GNPTAB: variants seen among roughly 807,000 people sequenced by gnomAD.
GNPTAB encodes N-acetylglucosamine-1-phosphate transferase subunits alpha and beta.
GNPTAB carries 92 observed loss-of-function variants against 136.6 expected under a neutral mutation model. The observed-to-expected ratio is 0.67, with a 90% CI of 0.57 to 0.80. The LOEUF (loss-of-function observed/expected upper bound fraction) is 0.80, where lower values mean the gene tolerates loss of function less well. Ranked by LOEUF, GNPTAB falls within the 30% of genes least tolerant of loss-of-function variation. GNPTAB has a pLI of 0.00. For synonymous variants in GNPTAB, 512 were observed against 535.1 expected (o/e 0.96, Z 0.60); for missense variants, 1,343 against 1,501.8 (o/e 0.89, Z 1.75).
Position 101,827,634 on chromosome 12 carries a change from T to C in GNPTAB, c.117+2925A>G, listed in dbSNP as rs144391911. 5.9e-5 allele frequency among the ~76,000 whole-genome samples: 9 copies of C among 152,250 alleles called. No individual in the cohort carries two copies. In the East Asian group the frequency reaches 1.5e-3, roughly 26 times the overall value. Reference sequence around the variant, plus strand: ...ATACAGCATCAAATACCTGTTATATTGAGAGGAGGAGACGATAACAAATTT... The same window carrying C: ...ATACAGCATCAAATACCTGTTATATCGAGAGGAGGAGACGATAACAAATTT... On this transcript the variant is annotated intron_variant, in intron 1 of 20. Transcript: ENST00000299314.
chr12:101,825,504 C>T (rs1231144995), intron 1 of GNPTAB, among the ~76,000 whole-genome samples: 1 of 152,164 alleles, frequency 6.6e-6, no homozygotes, highest in Non-Finnish European at 1.5e-5. Context: ...TTCATTCATG[C>T]ATCCATCAAG....
rs187797041 is a variant in GNPTAB at position 101,796,601 on chromosome 12, G to A, written c.203+76C>T. 868 of 957,360 alleles carry A rather than the reference G, an allele frequency of 9.1e-4. 8 individuals carry two copies. The African/African-American group carries it at 0.012, about 13-fold the overall frequency. The allele number at this position is 957,360 out of a possible 1,614,324, so 59.3% of individuals were successfully genotyped here. A position where few individuals can be genotyped will look rare whatever the true frequency, so the allele number is the denominator to read the frequency against. ...ATAACTCAGAAAGACCCCTTAAACT[G>A]TCATATTTACAGGATGGCTATTTCA... On this transcript the variant is annotated intron_variant, in intron 2 of 20. Coordinates refer to ENST00000299314, the MANE Select transcript of GNPTAB (RefSeq NM_024312.5).
chr12:101,749,182 A>G lies in GNPTAB; in HGVS notation c.3612T>C (p.Tyr1204=), dbSNP rs1457465597. 6.2e-7 allele frequency: 1 copy of G among 1,604,450 alleles called. No homozygotes were observed. Among genetic ancestry groups the G allele is most frequent in the African/African-American group, 1.3e-5 (1 of 74,882 alleles). The change falls in exon 20 of 21, where the codon TAT becomes TAC. Residue 1204 remains tyrosine, a synonymous_variant. Transcript: ENST00000299314. ...HMHELQEWRA[Y]RDKLKFWTHC... ...GGGTCCAAAACTTCAATTTGTCTCG[A>G]TAAGCCCTCCTGTGCAGAGAGAAGA... is the stretch of plus-strand genomic sequence containing the variant.
intron 16 of GNPTAB, among the ~76,000 whole-genome samples, chr12:101,758,747 C>T (rs560958549): frequency 2.0e-5 from 3 of 152,340 alleles, no homozygotes; most frequent in Admixed American, 1.3e-4. Context: ...ATGGCTGCCA[C>T]TTGTCACACT....
At chr12:101,801,912 G>T (rs979414219) in intron 1 of GNPTAB, among the ~76,000 whole-genome samples, 1 of 151,874 alleles carries the variant, frequency 6.6e-6, no homozygotes, top group African/African-American at 2.4e-5. Context: ...TAATTAGCCA[G>T]GCATGGTGGC....
At chr12:101,759,495 ATTCAT>A (rs994573641) in intron 16 of GNPTAB, among the ~76,000 whole-genome samples, 4 of 151,562 alleles carry the variant, frequency 2.6e-5, no homozygotes, top group African/African-American at 7.3e-5. Context: ...GCTGTATTAT[ATTCAT>A]TTCATCAATT....
At chr12:101,819,515 G>GT (rs1019120150) in intron 1 of GNPTAB, among the ~76,000 whole-genome samples, 4 of 152,130 alleles carry the variant, frequency 2.6e-5, no homozygotes, top group Non-Finnish European at 4.4e-5. Flanking sequence ...GGGGAAAAAG[G>GT]TTTATCAAAG....
Position 101,757,221 on chromosome 12 carries a change from T to G in GNPTAB, c.3425A>C (p.Lys1142Thr). 6.4e-7 allele frequency: 1 copy of G among 1,573,306 alleles called. No homozygotes were observed. The highest frequency in any genetic ancestry group is 8.7e-7 in the Non-Finnish European group (1 of 1,143,568). Reference protein sequence around the residue: ...HVVGQLDDIRKNPRKFVCLND... With the variant: ...HVVGQLDDIRTNPRKFVCLND... ...ATATAAAAATCAGTACCTAGGGTTT[T>G]TTCTTATGTCATCCAACTGGCCAAC... Residue 1142 changes from lysine (K) to threonine (T), a missense_variant, in exon 18 of 21, where the codon AAA (lysine) becomes ACA (threonine). Transcript: ENST00000299314.
chr12:101,776,425 G>A (rs1953263581), intron 7 of GNPTAB, among the ~76,000 whole-genome samples: 1 of 152,092 alleles, frequency 6.6e-6, no homozygotes, highest in African/African-American at 2.4e-5. Context: ...CCCACCTCAA[G>A]GTATTTCAAA....
chr12:101,759,503 C>A (rs868409725), intron 16 of GNPTAB, among the ~76,000 whole-genome samples: 1 of 148,972 alleles, frequency 6.7e-6, no homozygotes, highest in East Asian at 2.0e-4. Flanking sequence ...ATATTCATTT[C>A]ATCAATTCTA....
chr12:101,751,161 T>C (rs1952812211), intron 19 of GNPTAB, among the ~76,000 whole-genome samples: 1 of 152,374 alleles, frequency 6.6e-6, no homozygotes, highest in Non-Finnish European at 1.5e-5. Flanking sequence ...CACAATCTTT[T>C]TTCTCGACAC....
intron 5 of GNPTAB, 190 bp downstream of exon 5, chr12:101,785,822 A>G: frequency 1.7e-6 from 1 of 590,180 alleles, no homozygotes; most frequent in Non-Finnish European, 3.0e-6. Flanking sequence ...TACACAGAGT[A>G]AAATATATGC....
At chr12:101,798,221 G>A (rs1869410901) in intron 1 of GNPTAB, among the ~76,000 whole-genome samples, 1 of 152,116 alleles carries the variant, frequency 6.6e-6, no homozygotes, top group Admixed American at 6.5e-5. Flanking sequence ...TGTTTTCTTG[G>A]TTTTCCCTCC....
At chr12:101,755,414 T>C (rs1952887283) in intron 18 of GNPTAB, among the ~76,000 whole-genome samples, 1 of 152,156 alleles carries the variant, frequency 6.6e-6, no homozygotes, top group African/African-American at 2.4e-5. Context: ...GTCAACCTAA[T>C]ATATGAGCCT....
intron 19 of GNPTAB, among the ~76,000 whole-genome samples, chr12:101,751,840 G>A (rs1952824021): frequency 6.6e-6 from 1 of 152,176 alleles, no homozygotes; most frequent in Non-Finnish European, 1.5e-5. Flanking sequence ...GCCAGAATCT[G>A]GGGAATGGGC....
intron 7 of GNPTAB, among the ~76,000 whole-genome samples, chr12:101,777,123 C>T (rs7313953): frequency 0.012 from 1,889 of 152,338 alleles, 41 homozygotes; most frequent in African/African-American, 0.044. Context: ...TTCTCCTCTT[C>T]CTCCTCCTGA....
intron 1 of GNPTAB, among the ~76,000 whole-genome samples, chr12:101,804,820 A>G (rs2137168500): frequency 6.6e-6 from 1 of 152,354 alleles, no homozygotes; most frequent in African/African-American, 2.4e-5. Flanking sequence ...ACTGGACCTA[A>G]GCTCCAGTTT....
At chr12:101,787,742 C>T (rs1188654063) in intron 4 of GNPTAB, among the ~76,000 whole-genome samples, 4 of 151,950 alleles carry the variant, frequency 2.6e-5, no homozygotes, top group African/African-American at 7.3e-5. Flanking sequence ...GGAGAAACCC[C>T]GTCTCTACTA....
rs959732879 is a variant in GNPTAB, at chr12:101,751,936, T to C, written c.3602+1436A>G. ...TCCTGTTGCTGTGCTGAGGATAAAA[T>C]GGACCTACTACAGAGTTGTTAGAAT... On this transcript the variant is annotated intron_variant, in intron 19 of 20. Transcript: ENST00000299314. Among the ~76,000 whole-genome samples, 15 of 151,268 alleles carry C rather than the reference T, an allele frequency of 9.9e-5. No individual in the cohort carries two copies. The East Asian group carries it at 2.9e-3, about 29-fold the overall frequency.
Sources: gnomAD v4.1 joint callset for allele counts (sites outside exome capture counted in the v4.1 genomes callset) on GRCh38, gnomAD v4.1.1 for gene constraint, MANE v1.5 for transcripts, NCBI Gene and HGNC (gene_info 2026-07-23, HGNC 2026-07-21) for gene names.